Variants in SPO11 observed in about 807,000 individuals in gnomAD.
SPO11 encodes the protein SPO11 initiator of meiotic double strand breaks, also known as meiotic recombination protein SPO11.
Under a neutral mutation model 51.6 loss-of-function variants are expected in SPO11, and 49 were observed. The ratio of observed to expected loss-of-function variants is 0.95; its 90% CI spans 0.75 to 1.20. The LOEUF (loss-of-function observed/expected upper bound fraction) is 1.20. Ranked by LOEUF, SPO11 falls within the 50% of genes most tolerant of loss-of-function variation. SPO11 has a pLI of 0.00. For synonymous variants in SPO11, 176 were observed against 158.2 expected (o/e 1.11, Z -0.84); for missense variants, 431 against 473.4 (o/e 0.91, Z 0.83).
In SPO11 at chr20:57,343,489, A is replaced by G; in HGVS notation, c.*29A>G. 8 of 1,574,374 alleles carry G rather than the reference A, an allele frequency of 5.1e-6. No homozygotes were observed. Among genetic ancestry groups the G allele is most frequent in the Non-Finnish European group, 6.9e-6 (8 of 1,166,438 alleles). ...TAAATCAGAAGAACTTCTGATTGCC[A>G]GAGGCTTTTCATTAGTTTTGTTTTG... On this transcript the variant is annotated 3_prime_UTR_variant, in exon 13 of 13. Coordinates refer to ENST00000371263, the MANE Select transcript of SPO11 (RefSeq NM_012444.3).
chr20:57,342,815 C>T lies in SPO11; in HGVS notation c.1046C>T (p.Thr349Ile). The T allele has an allele frequency of 6.2e-7, 1 of 1,612,484 alleles. No individual in the cohort carries two copies. Among genetic ancestry groups the T allele is most frequent in the South Asian group, 1.1e-5 (1 of 90,814 alleles). The part of the protein sequence containing the change: ...LDSILRRPYV[T>I]CQPFWRKEME... ...AGTATCCTGAGGAGACCTTATGTTA[C>T]CTGCCAACCATTTTGGAGAAAAGAA... The change falls in exon 12 of 13, where the codon ACC (threonine) becomes ATC (isoleucine). Residue 349 changes from threonine to isoleucine, a missense_variant. By Grantham distance (89) the Thr-to-Ile change is moderately conservative. This residue lies in a region of SPO11 where 405 missense variants were observed against 425.9 expected (regional missense o/e 0.95). Transcript: ENST00000371263.
In SPO11 at chr20:57,329,826, T is replaced by G. The variant is rs1568754509; in HGVS notation, c.-42T>G. On this transcript the variant is annotated 5_prime_UTR_variant, in exon 1 of 13. Coordinates refer to ENST00000371263, the MANE Select transcript of SPO11 (RefSeq NM_012444.3). Reference sequence around the variant, plus strand: ...GCAGCCACGCCCCAAGGGCGCAGCCTAGGACAGGGGCTTCTGGAGCTTCTG... The same window carrying G: ...GCAGCCACGCCCCAAGGGCGCAGCCGAGGACAGGGGCTTCTGGAGCTTCTG... 6.3e-7 allele frequency: 1 copy of G among 1,592,592 alleles called. No individual in the cohort carries two copies.
chr20:57,337,034 G>A (rs751377760), intron 8 of SPO11, among the ~76,000 whole-genome samples: 44 of 152,120 alleles, frequency 2.9e-4, no homozygotes, highest in South Asian at 1.7e-3. Context: ...GGTGTGATAG[G>A]CATATTTATG....
intron 6 of SPO11, 23 bp from the exon 7 acceptor site, chr20:57,335,396 G>C (rs2066499303): frequency 6.3e-7 from 1 of 1,595,280 alleles, no homozygotes; most frequent in Admixed American, 1.8e-5. Flanking sequence ...TTTTATGTAA[G>C]ATAAAAACTT....
At position 57,342,807 on chromosome 20, in the gene SPO11, T is replaced by C; in HGVS notation, c.1038T>C (p.Pro346=). ...AACTTGACAGTATCCTGAGGAGACC[T>C]TATGTTACCTGCCAACCATTTTGGA... ...QMKLDSILRR[P]YVTCQPFWRK... The change falls in exon 12 of 13, where the codon CCT becomes CCC. Residue 346 remains proline, a synonymous_variant. Transcript: ENST00000371263. 6.2e-7 allele frequency: 1 copy of C among 1,613,234 alleles called. No homozygotes were observed. Among genetic ancestry groups the C allele is most frequent in the African/African-American group, 1.3e-5 (1 of 75,044 alleles).
intron 8 of SPO11, among the ~76,000 whole-genome samples, chr20:57,336,241 A>C (rs1210807016): frequency 6.6e-6 from 1 of 152,154 alleles, no homozygotes; most frequent in Non-Finnish European, 1.5e-5. Context: ...TGTTCCTGCC[A>C]CTTGTCCTGT....
In SPO11 at chr20:57,338,269, C is replaced by T; in HGVS notation, c.745-7C>T. 6.3e-7 allele frequency: 1 copy of T among 1,588,598 alleles called. No homozygotes were observed. Among genetic ancestry groups the T allele is most frequent in the Non-Finnish European group, 8.6e-7 (1 of 1,159,560 alleles). ...GTTAAAATTCTTAATTTTCATCTTC[C>T]TTTTAGGGAAAGGGAGTTCCTGATC... On this transcript the variant is annotated splice_region_variant and splice_polypyrimidine_tract_variant and intron_variant, in intron 8 of 12. Coordinates refer to ENST00000371263, the MANE Select transcript of SPO11 (RefSeq NM_012444.3).
intron 1 of SPO11, among the ~76,000 whole-genome samples, chr20:57,330,756 A>G (rs563935001): frequency 1.3e-5 from 2 of 152,370 alleles, no homozygotes; most frequent in South Asian, 2.1e-4. Context: ...AAACCTACAA[A>G]CAAACCAATT....
chr20:57,342,644 T>C (rs1026909095), intron 11 of SPO11, 85 bp from the exon 12 acceptor site: 1 of 741,656 alleles, frequency 1.3e-6, no homozygotes, highest in African/African-American at 1.8e-5. Flanking sequence ...TTTCTTGAAG[T>C]AGTACCATAA....
rs1451437583 is a variant in SPO11, at chr20:57,343,698, A to G, written c.*238A>G. 3.6e-6 allele frequency: 1 copy of G among 276,224 alleles called. No individual in the cohort carries two copies. Among genetic ancestry groups the G allele is most frequent in the Non-Finnish European group, 6.6e-6 (1 of 150,478 alleles). 17.1% of individuals were successfully genotyped at this position (276,224 alleles called of 1,614,324 possible). ...TCTGTCCTATCTTCTAAAGCAAATTATAAAAGAATATGTTATTTTGACCTT... is the reference window on the plus strand; with the variant it reads ...TCTGTCCTATCTTCTAAAGCAAATTGTAAAAGAATATGTTATTTTGACCTT... On this transcript the variant is annotated 3_prime_UTR_variant, in exon 13 of 13. Coordinates refer to ENST00000371263, the MANE Select transcript of SPO11 (RefSeq NM_012444.3).
At chr20:57,342,596 G>A (rs963597555) in intron 11 of SPO11, 133 bp from the exon 12 acceptor site, 106 of 601,802 alleles carry the variant, frequency 1.8e-4, no homozygotes, top group African/African-American at 3.9e-4. Context: ...AATCCTGGAT[G>A]TAAGAGGTAG....
Position 57,343,488 on chromosome 20 carries a change from C to T in SPO11, c.*28C>T. The T allele has an allele frequency of 6.4e-7, 1 of 1,573,628 alleles. No individual in the cohort carries two copies. Among genetic ancestry groups the T allele is most frequent in the South Asian group, 1.2e-5 (1 of 83,044 alleles). On this transcript the variant is annotated 3_prime_UTR_variant, in exon 13 of 13. Transcript: ENST00000371263. ...ATAAATCAGAAGAACTTCTGATTGC[C>T]AGAGGCTTTTCATTAGTTTTGTTTT...
chr20:57,342,854 T>C lies in SPO11; in HGVS notation c.1071+14T>C, dbSNP rs780550427. 16 of 1,562,700 alleles carry C rather than the reference T, an allele frequency of 1.0e-5. 1 individual carries two copies. Among genetic ancestry groups the C allele is most frequent in the Middle Eastern group, 1.7e-4 (1 of 5,952 alleles). On this transcript the variant is annotated intron_variant, in intron 12 of 12. Coordinates refer to ENST00000371263, the MANE Select transcript of SPO11 (RefSeq NM_012444.3). ...TGGAGAAAAGAAGTATGTTTCCTTT[T>C]ACAACTCAAGTGTTGCATGTTTAAT...
Position 57,331,874 on chromosome 20 carries a change from T to G in SPO11, c.173T>G (p.Ile58Arg), listed in dbSNP as rs750920190. Reference sequence around the variant, plus strand: ...TCTATAGAAAATATTATCCAAGACATAATCACAAGCTTGGCAAGAAATGAA... The same window carrying G: ...TCTATAGAAAATATTATCCAAGACAGAATCACAAGCTTGGCAAGAAATGAA... Reference protein sequence around the residue: ...LASIENIIQDIITSLARNEAP... With the variant: ...LASIENIIQDRITSLARNEAP... The change falls in exon 2 of 13, where the codon ATA (isoleucine) becomes AGA (arginine). Residue 58 changes from isoleucine to arginine, a missense_variant. Around this residue, in one of 3 missense-constraint regions of SPO11, gnomAD observed 405 missense variants for 425.9 expected, o/e 0.95. Coordinates refer to ENST00000371263, the MANE Select transcript of SPO11 (RefSeq NM_012444.3). 1 of 1,608,068 alleles carries G rather than the reference T, an allele frequency of 6.2e-7. No homozygotes were observed. Among genetic ancestry groups the G allele is most frequent in the South Asian group, 1.1e-5 (1 of 89,622 alleles).
Position 57,339,017 on chromosome 20 carries a change from T to C in SPO11, c.873T>C (p.Tyr291=). 6.8e-7 allele frequency: 1 copy of C among 1,479,400 alleles called. No homozygotes were observed. Among genetic ancestry groups the C allele is most frequent in the South Asian group, 1.2e-5 (1 of 80,570 alleles). 91.6% of individuals were successfully genotyped at this position (1,479,400 alleles called of 1,614,324 possible). A position where few individuals can be genotyped will look rare whatever the true frequency, so the allele number is the denominator to read the frequency against. Residue 291 remains tyrosine, a synonymous_variant, in exon 10 of 13, where the codon TAT becomes TAC. Coordinates refer to ENST00000371263, the MANE Select transcript of SPO11 (RefSeq NM_012444.3). ...HGIEIMCIYK[Y]GSMSMSFEAH... is the part of the protein sequence containing the mutation. Reference sequence around the variant, plus strand: ...TAGAAATAATGTGCATCTATAAGTATGGATCTATGGTAAGTATAGAAAAGC... The same window carrying C: ...TAGAAATAATGTGCATCTATAAGTACGGATCTATGGTAAGTATAGAAAAGC...
chr20:57,340,708 A>C (rs2066571282), intron 11 of SPO11, among the ~76,000 whole-genome samples: 1 of 152,052 alleles, frequency 6.6e-6, no homozygotes, highest in South Asian at 2.1e-4. Flanking sequence ...CGGCAGTTGC[A>C]GTGAGCCACG....
chr20:57,340,255 C>A, intron 11 of SPO11, 77 bp downstream of exon 11: 1 of 899,852 alleles, frequency 1.1e-6, no homozygotes, highest in Non-Finnish European at 1.8e-6. Context: ...TAAAAAGTCA[C>A]TACAAGGGAA....
In SPO11 at chr20:57,329,966, G is replaced by T; in HGVS notation, c.99G>T (p.Glu33Asp). Residue 33 changes from glutamate (E) to aspartate (D), a missense_variant, in exon 1 of 13, where the codon GAG (glutamate) becomes GAT (aspartate). Transcript: ENST00000371263. ...CTGCCCTGAGGAGAGGTGGCAGGGAGCCCCCAACTGGGGGAAGCCGCCTGG... is the reference window on the plus strand; with the variant it reads ...CTGCCCTGAGGAGAGGTGGCAGGGATCCCCCAACTGGGGGAAGCCGCCTGG... ...LLAALRRGGR[E>D]PPTGGSRLAS... is the part of the protein sequence containing the mutation. 6.2e-7 allele frequency: 1 copy of T among 1,610,052 alleles called. No homozygotes were observed.
chr20:57,332,027 T>C (rs557644031), intron 2 of SPO11, 81 bp downstream of exon 2: 1 of 851,716 alleles, frequency 1.2e-6, no homozygotes, highest in South Asian at 2.5e-5. Flanking sequence ...TCTGGTCATA[T>C]TTTTTTCATT....
Sources: allele counts gnomAD v4.1 joint callset (sites outside exome capture counted in the v4.1 genomes callset), GRCh38; gene constraint gnomAD v4.1.1; regional missense constraint gnomAD v4.1.1; transcripts MANE v1.5; gene names NCBI Gene and HGNC (gene_info 2026-07-23, HGNC 2026-07-21).